Variants in SPTLC3 observed in about 807,000 individuals in gnomAD.
SPTLC3 encodes the protein serine palmitoyltransferase long chain base subunit 3.
Under a neutral mutation model 59.3 loss-of-function variants are expected in SPTLC3, and 36 were observed. The ratio of observed to expected loss-of-function variants is 0.61; its 90% confidence interval spans 0.47 to 0.80. The LOEUF is 0.80. Among genes scored for constraint, SPTLC3 ranks in the 30% least tolerant of loss-of-function variants. The probability of loss-of-function intolerance (pLI) is 0.00; values close to 1 mark genes in which losing one functional copy is unlikely to be tolerated. For synonymous variants in SPTLC3, 257 were observed against 240.8 expected (o/e 1.07, Z -0.62); for missense variants, 625 against 685.1 (o/e 0.91, Z 0.98).
chr20:13,100,844 C>T lies in SPTLC3; in HGVS notation c.826+7267C>T, dbSNP rs190396515. On this transcript the variant is annotated intron_variant, in intron 6 of 11. Transcript: ENST00000399002. ...GCCTAAGGTCAGGCAAATGATAAAT[C>T]ACAGGGGTCAAAATGCAGACCCAAG... Among the ~76,000 whole-genome samples the T allele has an allele frequency of 3.9e-3, 596 of 152,292 alleles. 1 individual carries two copies. The highest frequency in any genetic ancestry group is 6.2e-3 in the Non-Finnish European group (422 of 68,024).
chr20:13,117,168 C>A (rs74571690), intron 7 of SPTLC3, among the ~76,000 whole-genome samples: 4,795 of 152,286 alleles, frequency 0.031, 118 homozygotes, highest in South Asian at 0.078. Context: ...TCAATTCTAG[C>A]AGAATATCTA....
chr20:13,110,690 T>A (rs1990181895), intron 7 of SPTLC3, among the ~76,000 whole-genome samples: 1 of 152,052 alleles, frequency 6.6e-6, no homozygotes, highest in Admixed American at 6.6e-5. Flanking sequence ...GATCTGCCTG[T>A]TTTCCCCAAG....
chr20:13,063,300 T>A (rs1421393787), intron 2 of SPTLC3, among the ~76,000 whole-genome samples: 1 of 152,250 alleles, frequency 6.6e-6, no homozygotes, highest in East Asian at 1.9e-4. Context: ...AGGAACTCTA[T>A]GTGCTCTTAT....
intron 8 of SPTLC3, among the ~76,000 whole-genome samples, chr20:13,125,728 T>C (rs910354883): frequency 3.9e-5 from 6 of 152,164 alleles, no homozygotes; most frequent in African/African-American, 1.4e-4. Context: ...CTTATTCACA[T>C]AGCAGCTGGA....
intron 2 of SPTLC3, among the ~76,000 whole-genome samples, chr20:13,053,391 G>T (rs962009142): frequency 1.3e-5 from 2 of 151,942 alleles, no homozygotes; most frequent in Non-Finnish European, 1.5e-5. Context: ...CCATTCGAAG[G>T]TCACCAACAT....
chr20:13,140,143 T>G (rs545819461), intron 9 of SPTLC3, among the ~76,000 whole-genome samples: 2 of 152,272 alleles, frequency 1.3e-5, no homozygotes, highest in East Asian at 3.9e-4. Flanking sequence ...GAGGGGAGAA[T>G]GTATATTTTG....
At chr20:13,142,738 A>T (rs1208810963) in intron 9 of SPTLC3, among the ~76,000 whole-genome samples, 2 of 152,198 alleles carry the variant, frequency 1.3e-5, no homozygotes, top group African/African-American at 4.8e-5. Context: ...CTCCAAGCTC[A>T]CATGGCTGTG....
At chr20:13,158,596 C>T (rs112965305) in intron 10 of SPTLC3, among the ~76,000 whole-genome samples, 434 of 152,290 alleles carry the variant, frequency 2.8e-3, no homozygotes, top group African/African-American at 9.7e-3. Context: ...GTTCCGTGGG[C>T]AGCCTTCCAT....
intron 8 of SPTLC3, 38 bp downstream of exon 8, chr20:13,117,763 G>C: frequency 6.4e-7 from 1 of 1,556,352 alleles, no homozygotes; most frequent in Admixed American, 1.9e-5. Flanking sequence ...TAAAACCTGA[G>C]CGCCCTGGGG....
At chr20:13,033,045 G>C (rs1390194659) in intron 1 of SPTLC3, among the ~76,000 whole-genome samples, 1 of 152,052 alleles carries the variant, frequency 6.6e-6, no homozygotes, top group Non-Finnish European at 1.5e-5. Flanking sequence ...ACTAAGACTT[G>C]GGTCTTCTAC....
chr20:13,021,824 A>C (rs994560750), intron 1 of SPTLC3, among the ~76,000 whole-genome samples: 1 of 152,142 alleles, frequency 6.6e-6, no homozygotes, highest in African/African-American at 2.4e-5. Flanking sequence ...CAACTATCAG[A>C]GTGTCATTTC....
intron 2 of SPTLC3, among the ~76,000 whole-genome samples, chr20:13,053,969 G>A (rs1428932491): frequency 6.6e-6 from 1 of 152,176 alleles, no homozygotes; most frequent in African/African-American, 2.4e-5. Flanking sequence ...ACACTCTTCA[G>A]GATATTATCC....
At chr20:13,132,703 T>A (rs1439887720) in intron 9 of SPTLC3, 1 of 152,178 alleles carries the variant, frequency 6.6e-6, no homozygotes, top group East Asian at 1.9e-4. Context: ...CTGATCTCTT[T>A]TACATCTCTG....
chr20:13,044,092 TTTC>T (rs1987118486), intron 1 of SPTLC3, among the ~76,000 whole-genome samples: 2 of 127,858 alleles, frequency 1.6e-5, no homozygotes, highest in Non-Finnish European at 3.4e-5. Context: ...TTTTGTCTTG[TTTC>T]TTTTTTTTCT....
chr20:13,021,683 T>C (rs112046910), intron 1 of SPTLC3, among the ~76,000 whole-genome samples: 14 of 152,242 alleles, frequency 9.2e-5, no homozygotes, highest in African/African-American at 3.1e-4. Context: ...CAATGGAGAC[T>C]GCACACAGCA....
At chr20:13,159,977 T>C (rs1189484745) in intron 10 of SPTLC3, 26 bp from the exon 11 acceptor site, 1 of 1,516,442 alleles carries the variant, frequency 6.6e-7, no homozygotes, top group East Asian at 2.3e-5. Flanking sequence ...CCACTTTTTT[T>C]TTTTCTTTTT....
intron 2 of SPTLC3, among the ~76,000 whole-genome samples, chr20:13,062,197 C>T (rs1988003381): frequency 6.6e-6 from 1 of 152,168 alleles, no homozygotes; most frequent in Non-Finnish European, 1.5e-5. Flanking sequence ...GAATCACTGG[C>T]CAACACAATC....
intron 1 of SPTLC3, among the ~76,000 whole-genome samples, chr20:13,042,911 T>C (rs1987055261): frequency 1.3e-5 from 2 of 152,346 alleles, no homozygotes; most frequent in African/African-American, 4.8e-5. Context: ...ATGCTTTATT[T>C]CTACTGTGAA....
At position 13,039,866 on chromosome 20, in the gene SPTLC3, T is replaced by C. The variant is rs187860674; in HGVS notation, c.118-9079T>C. Among the ~76,000 whole-genome samples the C allele has an allele frequency of 2.0e-3, 308 of 152,230 alleles. 3 individuals carry two copies. The highest frequency in any genetic ancestry group is 7.1e-3 in the African/African-American group (297 of 41,564). ...TTATACAAACTTAAATCCAGTGATA[T>C]ATAGAAATGTTACTTCTATATAGCC... is the stretch of plus-strand genomic sequence containing the variant. On this transcript the variant is annotated intron_variant, in intron 1 of 11. Transcript: ENST00000399002.
Sources: gnomAD v4.1 joint callset for allele counts (sites outside exome capture counted in the v4.1 genomes callset) on GRCh38, gnomAD v4.1.1 for gene constraint, MANE v1.5 for transcripts, NCBI Gene and HGNC (gene_info 2026-07-23, HGNC 2026-07-21) for gene names.